Variants in KCNN2 observed in about 807,000 individuals in gnomAD.
The protein encoded by KCNN2 is small conductance calcium-activated potassium channel protein 2.
A neutral mutation model predicts 55.5 loss-of-function variants in KCNN2; 24 were observed. The observed-to-expected ratio is 0.43, with a 90% CI of 0.31 to 0.61. The LOEUF is 0.61. Among genes scored for constraint, KCNN2 ranks in the 20% least tolerant of loss-of-function variants. The pLI is 0.08. For synonymous variants in KCNN2, 431 were observed against 336.1 expected (o/e 1.28, Z -3.09); for missense variants, 754 against 853.6 (o/e 0.88, Z 1.45).
intron 2 of KCNN2, among the ~76,000 whole-genome samples, chr5:114,373,657 T>TATATATAAAA (rs1175218618): frequency 1.7e-5 from 2 of 117,626 alleles, no homozygotes; most frequent in African/African-American, 5.9e-5. Flanking sequence ...TATATATATA[T>TATATATAAAA]AAAATTACTT....
intron 1 of KCNN2, among the ~76,000 whole-genome samples, chr5:114,204,440 G>A (rs554375577): frequency 6.6e-5 from 10 of 152,290 alleles, no homozygotes; most frequent in African/African-American, 2.4e-4. Context: ...GAAAAGCCAA[G>A]TGACTTGTCC....
chr5:114,374,861 G>A (rs1757885933), intron 2 of KCNN2, among the ~76,000 whole-genome samples: 1 of 152,152 alleles, frequency 6.6e-6, no homozygotes, highest in African/African-American at 2.4e-5. Context: ...GCCTGATTAT[G>A]TAGCTATCCG....
At chr5:114,074,620 G>A (rs1362615090) in intron 1 of KCNN2, among the ~76,000 whole-genome samples, 4 of 152,162 alleles carry the variant, frequency 2.6e-5, no homozygotes, top group Non-Finnish European at 5.9e-5. Flanking sequence ...CCTCCACTCT[G>A]CTCCAACCCT....
intron 2 of KCNN2, among the ~76,000 whole-genome samples, chr5:114,265,731 G>A (rs1302337009): frequency 6.6e-6 from 1 of 152,156 alleles, no homozygotes; most frequent in East Asian, 1.9e-4. Flanking sequence ...CCAGAATAAT[G>A]TTTGGCTGAA....
At chr5:114,071,728 A>G (rs780427651) in intron 1 of KCNN2, among the ~76,000 whole-genome samples, 15 of 152,168 alleles carry the variant, frequency 9.9e-5, no homozygotes, top group Non-Finnish European at 2.2e-4. Context: ...CATTATTGCA[A>G]TTCTCTTTTT....
At chr5:114,078,383 C>T (rs1580490763) in intron 1 of KCNN2, among the ~76,000 whole-genome samples, 1 of 152,128 alleles carries the variant, frequency 6.6e-6, no homozygotes, top group Non-Finnish European at 1.5e-5. Context: ...GGCTTGATTT[C>T]CTGTTTACAT....
chr5:114,305,747 A>C (rs942408090), intron 2 of KCNN2, among the ~76,000 whole-genome samples: 1 of 152,164 alleles, frequency 6.6e-6, no homozygotes, highest in Non-Finnish European at 1.5e-5. Context: ...GCACAACTGG[A>C]CCAGGAAGAG....
At chr5:114,291,603 G>T (rs1167958329) in intron 2 of KCNN2, among the ~76,000 whole-genome samples, 1 of 152,106 alleles carries the variant, frequency 6.6e-6, no homozygotes, top group Non-Finnish European at 1.5e-5. Context: ...TGGACATTTG[G>T]GTTGGTTCCA....
At chr5:114,472,116 G>A (rs767959429) in intron 4 of KCNN2, among the ~76,000 whole-genome samples, 11 of 152,154 alleles carry the variant, frequency 7.2e-5, no homozygotes, top group Non-Finnish European at 1.3e-4. Flanking sequence ...AGACCCCTGA[G>A]GTAGTTCCTC....
chr5:114,083,445 G>A (rs1319393649), intron 1 of KCNN2, among the ~76,000 whole-genome samples: 2 of 151,640 alleles, frequency 1.3e-5, no homozygotes, highest in African/African-American at 4.8e-5. Flanking sequence ...GAAATTTTAT[G>A]TTTTTATTTT....
chr5:114,074,232 CTCT>C (rs1375564919), intron 1 of KCNN2, among the ~76,000 whole-genome samples: 1 of 151,960 alleles, frequency 6.6e-6, no homozygotes, highest in Non-Finnish European at 1.5e-5. Context: ...CAAAGTATCT[CTCT>C]TGTTACCCAT....
intron 3 of KCNN2, among the ~76,000 whole-genome samples, chr5:114,459,807 C>G (rs1761110258): frequency 6.6e-6 from 1 of 152,178 alleles, no homozygotes; most frequent in South Asian, 2.1e-4. Context: ...CTCTTCAATA[C>G]AGGATGACAA....
chr5:114,442,366 G>A (rs1262865343), intron 3 of KCNN2, among the ~76,000 whole-genome samples: 1 of 151,946 alleles, frequency 6.6e-6, no homozygotes, highest in Non-Finnish European at 1.5e-5. Context: ...GGACATTTAT[G>A]TAGTGATTTT....
chr5:114,320,873 G>T (rs1479659517), intron 2 of KCNN2, among the ~76,000 whole-genome samples: 1 of 152,084 alleles, frequency 6.6e-6, no homozygotes, highest in African/African-American at 2.4e-5. Flanking sequence ...CAAGTATCCT[G>T]TCATGGAAAT....
At chr5:114,363,616 C>T (rs1757514292) in intron 1 of KCNN2, among the ~76,000 whole-genome samples, 3 of 152,166 alleles carry the variant, frequency 2.0e-5, no homozygotes. Flanking sequence ...GAAGTAAGTT[C>T]CTCTGGTTTT....
intron 2 of KCNN2, among the ~76,000 whole-genome samples, chr5:114,384,835 G>A (rs1758227479): frequency 6.6e-6 from 1 of 152,140 alleles, no homozygotes; most frequent in Non-Finnish European, 1.5e-5. Context: ...ACTGGAGAGG[G>A]AAGGGAGTGG....
At chr5:114,319,480 A>G (rs1284093688) in intron 2 of KCNN2, among the ~76,000 whole-genome samples, 2 of 152,226 alleles carry the variant, frequency 1.3e-5, no homozygotes, top group African/African-American at 4.8e-5. Context: ...ATATATAGCA[A>G]TTTAGAATAC....
At chr5:114,177,727 T>G (rs1223233618) in intron 1 of KCNN2, among the ~76,000 whole-genome samples, 1 of 152,106 alleles carries the variant, frequency 6.6e-6, no homozygotes. Flanking sequence ...AAATCTAGAA[T>G]AACTTTGAAA....
At chr5:114,284,904 T>C (rs1341517565) in intron 2 of KCNN2, among the ~76,000 whole-genome samples, 1 of 152,058 alleles carries the variant, frequency 6.6e-6, no homozygotes, top group African/African-American at 2.4e-5. Context: ...AGACAAACTT[T>C]CCAGCCTCTA....
Sources: allele counts gnomAD v4.1 joint callset (sites outside exome capture counted in the v4.1 genomes callset), GRCh38; gene constraint gnomAD v4.1.1; transcripts MANE v1.5; gene names NCBI Gene and HGNC (gene_info 2026-07-23, HGNC 2026-07-21).